Variants in GPC6 observed in about 807,000 individuals in gnomAD.
The protein encoded by GPC6 is glypican 6, also known as glypican-6.
Under a neutral mutation model 55.2 loss-of-function variants are expected in GPC6, and 14 were observed. The observed-to-expected ratio is 0.25, with a 90% CI of 0.17 to 0.40. GPC6 has a LOEUF of 0.40. Among genes scored for constraint, GPC6 ranks in the 10% least tolerant of loss-of-function variants. The pLI, the probability that GPC6 is intolerant of heterozygous loss-of-function variation, is 1.00. For missense variants in GPC6, 641 were observed against 708.5 expected, an observed-to-expected ratio of 0.90 and a Z score of 1.08; for synonymous variants, 278 against 259.6, an observed-to-expected ratio of 1.07 and a Z score of -0.68.
At chr13:94,353,270 G>A (rs1227157159) in intron 6 of GPC6, among the ~76,000 whole-genome samples, 1 of 152,088 alleles carries the variant, frequency 6.6e-6, no homozygotes, top group Non-Finnish European at 1.5e-5. Context: ...GCAAAAATGA[G>A]TGCGGCTTTG....
At chr13:94,266,604 G>C (rs887635909) in intron 4 of GPC6, among the ~76,000 whole-genome samples, 1 of 138,686 alleles carries the variant, frequency 7.2e-6, no homozygotes, top group Non-Finnish European at 1.5e-5. Flanking sequence ...CTTCAAAAAC[G>C]CAGCCCCAGT....
At chr13:94,020,345 T>C (rs1232300249) in intron 3 of GPC6, among the ~76,000 whole-genome samples, 1 of 152,256 alleles carries the variant, frequency 6.6e-6, no homozygotes. Context: ...TCAGAGAATA[T>C]ACTTTGTACG....
intron 3 of GPC6, among the ~76,000 whole-genome samples, chr13:93,974,926 G>T (rs1050926238): frequency 6.6e-6 from 1 of 152,120 alleles, no homozygotes; most frequent in African/African-American, 2.4e-5. Context: ...AGGGGAAATA[G>T]CTTATCCAAG....
intron 2 of GPC6, among the ~76,000 whole-genome samples, chr13:93,657,234 A>G (rs1231756930): frequency 6.6e-6 from 1 of 152,118 alleles, no homozygotes; most frequent in Non-Finnish European, 1.5e-5. Flanking sequence ...ACAGCATGGT[A>G]CTGGTTCAAA....
At chr13:94,263,350 C>T (rs1351345555) in intron 4 of GPC6, among the ~76,000 whole-genome samples, 3 of 152,232 alleles carry the variant, frequency 2.0e-5, no homozygotes, top group Non-Finnish European at 2.9e-5. Context: ...ACGCAATTCA[C>T]CCTCTGTTGA....
chr13:93,423,140 C>A (rs1282414009), intron 1 of GPC6, among the ~76,000 whole-genome samples: 1 of 152,106 alleles, frequency 6.6e-6, no homozygotes, highest in African/African-American at 2.4e-5. Flanking sequence ...GTAGTAATAT[C>A]TGCCTCATAT....
At chr13:93,498,681 G>C (rs543666481) in intron 1 of GPC6, among the ~76,000 whole-genome samples, 1 of 152,250 alleles carries the variant, frequency 6.6e-6, no homozygotes, top group African/African-American at 2.4e-5. Context: ...GGCCTCCCCA[G>C]CCACGTGGAA....
chr13:93,498,615 T>A (rs959883466), intron 1 of GPC6, among the ~76,000 whole-genome samples: 2 of 152,106 alleles, frequency 1.3e-5, no homozygotes, highest in Non-Finnish European at 2.9e-5. Context: ...CTTCCTCATT[T>A]TTCCCCTTGC....
intron 2 of GPC6, among the ~76,000 whole-genome samples, chr13:93,706,638 C>T (rs910843979): frequency 1.3e-5 from 2 of 151,802 alleles, no homozygotes; most frequent in Admixed American, 1.3e-4. Context: ...TAGGGAATAA[C>T]TAGGCTTCTG....
At chr13:93,251,344 C>G (rs919054923) in intron 1 of GPC6, among the ~76,000 whole-genome samples, 1 of 152,096 alleles carries the variant, frequency 6.6e-6, no homozygotes, top group Admixed American at 6.5e-5. Context: ...ATGTAACAGA[C>G]CCTCATGCCC....
At chr13:93,512,842 G>T (rs536970107) in intron 1 of GPC6, among the ~76,000 whole-genome samples, 1 of 151,940 alleles carries the variant, frequency 6.6e-6, no homozygotes, top group South Asian at 2.1e-4. Context: ...TATGCTAAAA[G>T]GATTTTCTAT....
At chr13:93,906,138 C>T (rs761692524) in intron 3 of GPC6, among the ~76,000 whole-genome samples, 1 of 152,072 alleles carries the variant, frequency 6.6e-6, no homozygotes, top group Non-Finnish European at 1.5e-5. Context: ...CCTGGACCCA[C>T]AAAAAGTTTG....
chr13:93,278,196 A>C (rs996470598), intron 1 of GPC6, among the ~76,000 whole-genome samples: 1 of 152,332 alleles, frequency 6.6e-6, no homozygotes, highest in African/African-American at 2.4e-5. Flanking sequence ...TTCCAGATAG[A>C]AAGTGCCACA....
chr13:93,480,768 G>A (rs1317321767), intron 1 of GPC6, among the ~76,000 whole-genome samples: 2 of 152,140 alleles, frequency 1.3e-5, no homozygotes, highest in Non-Finnish European at 2.9e-5. Flanking sequence ...TGTAGCACAT[G>A]GAAGAATGCC....
At chr13:93,900,576 T>G (rs771307060) in intron 3 of GPC6, among the ~76,000 whole-genome samples, 1 of 152,186 alleles carries the variant, frequency 6.6e-6, no homozygotes, top group Non-Finnish European at 1.5e-5. Context: ...GAATCTTTTG[T>G]TCTTCCCTAA....
intron 4 of GPC6, among the ~76,000 whole-genome samples, chr13:94,069,866 G>T (rs1884663362): frequency 6.6e-6 from 1 of 152,084 alleles, no homozygotes; most frequent in Non-Finnish European, 1.5e-5. Flanking sequence ...AATCTCTAGG[G>T]AGTTCCAAAC....
At chr13:93,617,114 G>A (rs933419049) in intron 2 of GPC6, among the ~76,000 whole-genome samples, 1 of 152,088 alleles carries the variant, frequency 6.6e-6, no homozygotes, top group African/African-American at 2.4e-5. Flanking sequence ...GGTTACTGGA[G>A]TAATATTGAG....
chr13:93,270,301 C>T (rs916713425), intron 1 of GPC6, among the ~76,000 whole-genome samples: 3 of 149,930 alleles, frequency 2.0e-5, no homozygotes, highest in African/African-American at 7.4e-5. Flanking sequence ...TGTTGCTTCT[C>T]CTCAATTAAA....
chr13:93,353,975 A>G (rs1365742890), intron 1 of GPC6, among the ~76,000 whole-genome samples: 1 of 152,240 alleles, frequency 6.6e-6, no homozygotes, highest in Non-Finnish European at 1.5e-5. Context: ...TCTGAGAGAA[A>G]TGAGTGGAAC....
Sources: gnomAD v4.1 joint callset for allele counts (sites outside exome capture counted in the v4.1 genomes callset) on GRCh38, gnomAD v4.1.1 for gene constraint, MANE v1.5 for transcripts, NCBI Gene and HGNC (gene_info 2026-07-23, HGNC 2026-07-21) for gene names.